Variants in APBA2 observed in about 807,000 individuals in gnomAD.
APBA2 encodes amyloid beta precursor protein binding family A member 2, also known as amyloid-beta A4 precursor protein-binding family A member 2.
In APBA2, 30 loss-of-function variants were observed where a neutral mutation model predicts 75.0. That is an observed-to-expected ratio of 0.40 (90% CI 0.30 to 0.54). The LOEUF (loss-of-function observed/expected upper bound fraction) is 0.54. APBA2 is among the 20% of genes least tolerant of loss of function. The probability of loss-of-function intolerance (pLI) is 0.49; values close to 1 mark genes in which losing one functional copy is unlikely to be tolerated. For synonymous variants in APBA2, 444 were observed against 409.6 expected (o/e 1.08, Z -1.01); for missense variants, 801 against 1,016.1 (o/e 0.79, Z 2.88).
In APBA2 at chr15:29,094,175, C is replaced by T. The variant is rs1049678526; in HGVS notation, c.1216-103C>T. On this transcript the variant is annotated intron_variant, in intron 7 of 14. Coordinates refer to ENST00000683413, the MANE Select transcript of APBA2 (RefSeq NM_001353788.2). ...CGTCCCTGCTGGGCTTTGCTAGGCA[C>T]CAGACCTGAGAGTGGGGGCATCAAC... The T allele has an allele frequency of 3.1e-6, 4 of 1,281,686 alleles. No homozygotes were observed. The African/African-American group carries it at 5.9e-5, about 19-fold the overall frequency. The allele number at this position is 1,281,686 out of a possible 1,614,324, so 79.4% of individuals were successfully genotyped here. A position where few individuals can be genotyped will look rare whatever the true frequency, so the allele number is the denominator to read the frequency against.
At chr15:29,067,741 A>T (rs1027854412) in intron 4 of APBA2, among the ~76,000 whole-genome samples, 9 of 152,234 alleles carry the variant, frequency 5.9e-5, no homozygotes, top group African/African-American at 2.2e-4. Context: ...AAAAGCAGAC[A>T]GGTAGATTTA....
At chr15:28,927,376 C>CT in intron 2 of APBA2, among the ~76,000 whole-genome samples, 1 of 150,810 alleles carries the variant, frequency 6.6e-6, no homozygotes, top group African/African-American at 2.4e-5. Flanking sequence ...AGTATTTACT[C>CT]TATTTGGTGT....
chr15:28,984,821 C>T (rs2037819909), intron 2 of APBA2, among the ~76,000 whole-genome samples: 1 of 150,730 alleles, frequency 6.6e-6, no homozygotes, highest in African/African-American at 2.4e-5. Flanking sequence ...CCCCCTCCCA[C>T]TGCCATCTCT....
At chr15:29,007,405 A>G (rs2039174147) in intron 3 of APBA2, among the ~76,000 whole-genome samples, 1 of 152,186 alleles carries the variant, frequency 6.6e-6, no homozygotes, top group Non-Finnish European at 1.5e-5. Flanking sequence ...CTAATATAAA[A>G]ACTTCCTCAA....
At chr15:29,094,061 G>A (rs2043720593) in intron 7 of APBA2, among the ~76,000 whole-genome samples, 1 of 152,222 alleles carries the variant, frequency 6.6e-6, no homozygotes, top group Non-Finnish European at 1.5e-5. Context: ...AGATGGGGTG[G>A]TTGGCAGTCA....
In APBA2 at chr15:29,036,506, T is replaced by C. The variant is rs149395911; in HGVS notation, c.-40-17339T>C. 3.6e-4 allele frequency among the ~76,000 whole-genome samples: 54 copies of C among 152,022 alleles called. No individual in the cohort carries two copies. The East Asian group carries it at 8.8e-3, about 25-fold the overall frequency. ...GCAGCTCTGGAGAAACCTGGTCGGG[T>C]GGTGGGTGAAGCTGCCTCCACCCCA... On this transcript the variant is annotated intron_variant, in intron 3 of 14. Transcript: ENST00000683413.
At chr15:28,970,926 G>A (rs972376621) in intron 2 of APBA2, among the ~76,000 whole-genome samples, 2 of 152,052 alleles carry the variant, frequency 1.3e-5, no homozygotes, top group Non-Finnish European at 2.9e-5. Flanking sequence ...ACACCACCGG[G>A]TCCCCTTGGA....
chr15:28,906,195 A>T (rs142753438), intron 1 of APBA2, among the ~76,000 whole-genome samples: 2,194 of 152,040 alleles, frequency 0.014, 53 homozygotes, highest in African/African-American at 0.049. Flanking sequence ...ATTCTTTTTT[A>T]AAAAAAATTT....
intron 2 of APBA2, among the ~76,000 whole-genome samples, chr15:28,947,077 T>C (rs1203927646): frequency 6.6e-6 from 1 of 152,244 alleles, no homozygotes; most frequent in Non-Finnish European, 1.5e-5. Flanking sequence ...TCCTATGTCA[T>C]CGTCCCTCTT....
chr15:29,062,665 C>T lies in APBA2; in HGVS notation c.951+7830C>T, dbSNP rs2042181561. Among the ~76,000 whole-genome samples the T allele has an allele frequency of 2.6e-5, 4 of 152,254 alleles. No homozygotes were observed. In the South Asian group the frequency reaches 8.3e-4, roughly 32 times the overall value. On this transcript the variant is annotated intron_variant, in intron 4 of 14. Coordinates refer to ENST00000683413, the MANE Select transcript of APBA2 (RefSeq NM_001353788.2). ...AAGCCGGGGTTTCTAAAACATTGTT[C>T]TAAAACATTGTCAGGGCAGAGCATG...
At chr15:28,985,652 G>A (rs1487822099) in intron 2 of APBA2, among the ~76,000 whole-genome samples, 4 of 152,180 alleles carry the variant, frequency 2.6e-5, no homozygotes, top group Non-Finnish European at 5.9e-5. Flanking sequence ...CTCTTAGAAA[G>A]GATTTAAAAT....
intron 2 of APBA2, among the ~76,000 whole-genome samples, chr15:28,958,201 T>C (rs2036276029): frequency 1.3e-5 from 2 of 152,240 alleles, no homozygotes; most frequent in South Asian, 4.1e-4. Context: ...AGGGACTTTC[T>C]ATGCTGTCCT....
chr15:29,067,317 A>G (rs2042421246), intron 4 of APBA2, among the ~76,000 whole-genome samples: 1 of 152,140 alleles, frequency 6.6e-6, no homozygotes. Context: ...AACTATTTAG[A>G]TGTAGCCACA....
chr15:28,923,585 G>T (rs2152675195), intron 2 of APBA2, among the ~76,000 whole-genome samples: 1 of 139,562 alleles, frequency 7.2e-6, no homozygotes, highest in South Asian at 2.7e-4. Flanking sequence ...GTGGGGTGGG[G>T]GGAGGGGCCT....
chr15:28,896,177 C>T (rs1412089608), intron 1 of APBA2, among the ~76,000 whole-genome samples: 1 of 152,146 alleles, frequency 6.6e-6, no homozygotes, highest in African/African-American at 2.4e-5. Context: ...TGGAGAGCAC[C>T]TCTGTGAGTA....
At chr15:28,903,910 A>G (rs1274237950) in intron 1 of APBA2, among the ~76,000 whole-genome samples, 1 of 152,102 alleles carries the variant, frequency 6.6e-6, no homozygotes, top group East Asian at 1.9e-4. Context: ...GACAAGGACA[A>G]GTCAGAGGAA....
chr15:28,996,509 G>A (rs2038531734), intron 3 of APBA2, among the ~76,000 whole-genome samples: 1 of 152,302 alleles, frequency 6.6e-6, no homozygotes, highest in Non-Finnish European at 1.5e-5. Context: ...CCACACAGGG[G>A]AGACTTGCAA....
intron 2 of APBA2, among the ~76,000 whole-genome samples, chr15:28,947,490 G>A (rs2035611636): frequency 1.3e-5 from 2 of 152,216 alleles, no homozygotes; most frequent in African/African-American, 4.8e-5. Flanking sequence ...TGTCATGAGT[G>A]CTGTGTTCCT....
At chr15:28,971,440 A>G (rs1215360962) in intron 2 of APBA2, among the ~76,000 whole-genome samples, 1 of 152,214 alleles carries the variant, frequency 6.6e-6, no homozygotes, top group Admixed American at 6.5e-5. Context: ...GCCCCGAGCC[A>G]TCAGGACCGG....
Sources: gnomAD v4.1 joint callset for allele counts (sites outside exome capture counted in the v4.1 genomes callset) on GRCh38, gnomAD v4.1.1 for gene constraint, MANE v1.5 for transcripts, NCBI Gene and HGNC (gene_info 2026-07-23, HGNC 2026-07-21) for gene names.